Variants in PRH1 observed in about 807,000 individuals in gnomAD.
The protein encoded by PRH1 is proline rich protein HaeIII subfamily 1.
A neutral mutation model predicts 7.9 loss-of-function variants in PRH1; 7 were observed. The ratio of observed to expected loss-of-function variants is 0.89; its 90% confidence interval spans 0.50 to 1.67. The LOEUF is 1.67. Among genes scored for constraint, PRH1 ranks in the 40% most tolerant of loss-of-function variants. PRH1 has a pLI of 0.00. For missense variants in PRH1, 109 were observed against 223.6 expected (o/e 0.49, Z 3.27); for synonymous variants, 45 against 80.8 (o/e 0.56, Z 2.38).
At chr12:11,094,297 G>A (rs1190448133) in intron 1 of PRH1, among the ~76,000 whole-genome samples, 1 of 16,768 alleles carries the variant, frequency 6.0e-5, no homozygotes, top group South Asian at 3.1e-3. Flanking sequence ...CCAAGACTCT[G>A]TCAAAAAAAA....
chr12:10,926,310 C>G (rs1259473275), intron 2 of PRH1, among the ~76,000 whole-genome samples: 2 of 152,224 alleles, frequency 1.3e-5, no homozygotes, highest in African/African-American at 4.8e-5. Flanking sequence ...AGTTTATCCC[C>G]TCTGCCAATG....
chr12:11,064,337 T>C (rs780171397), intron 1 of PRH1, among the ~76,000 whole-genome samples: 2 of 152,180 alleles, frequency 1.3e-5, no homozygotes, highest in Non-Finnish European at 2.9e-5. Context: ...AGTCACATAG[T>C]TGCAAGTACA....
chr12:10,955,196 T>C (rs963996732), intron 2 of PRH1, among the ~76,000 whole-genome samples: 10 of 152,044 alleles, frequency 6.6e-5, no homozygotes, highest in African/African-American at 1.9e-4. Context: ...AAACAATTCC[T>C]AGCAAATATG....
Position 11,151,373 on chromosome 12 carries a change from AT to A in PRH1, n.39+20048del, listed in dbSNP as rs1222655979. 2.0e-5 allele frequency among the ~76,000 whole-genome samples: 3 copies of A among 152,006 alleles called. No homozygotes were observed. In the East Asian group the frequency reaches 5.8e-4, roughly 29 times the overall value. On this transcript the variant is annotated intron_variant and non_coding_transcript_variant, in intron 1 of 1. Coordinates refer to the PRH1 transcript ENST00000541175. ...GGGCTGGTTAGAGAGGCTAGAAAATATAGTTGAGAAATGCACAGAGGGGACT... is the reference window on the plus strand; with the variant it reads ...GGGCTGGTTAGAGAGGCTAGAAAATAAGTTGAGAAATGCACAGAGGGGACT...
intron 1 of PRH1, among the ~76,000 whole-genome samples, chr12:11,136,301 T>C (rs1263844775): frequency 2.6e-5 from 4 of 152,218 alleles, no homozygotes; most frequent in African/African-American, 9.6e-5. Flanking sequence ...AGTCACATAG[T>C]TGCAAGTACA....
At chr12:11,101,010 A>G (rs928758484) in intron 1 of PRH1, among the ~76,000 whole-genome samples, 1 of 152,202 alleles carries the variant, frequency 6.6e-6, no homozygotes, top group African/African-American at 2.4e-5. Flanking sequence ...TCGTACTATA[A>G]TTTATTGTAA....
chr12:10,939,121 C>CTGT, intron 2 of PRH1: 1 of 1,607,420 alleles, frequency 6.2e-7, no homozygotes, highest in Non-Finnish European at 8.5e-7. Context: ...TACAGTTCAC[C>CTGT]AGTGCTATGA....
intron 2 of PRH1, among the ~76,000 whole-genome samples, chr12:10,919,676 T>C (rs1950018977): frequency 6.6e-6 from 1 of 151,352 alleles, no homozygotes; most frequent in Admixed American, 6.6e-5. Flanking sequence ...CAGTCTACGT[T>C]TTTTTTTTGT....
intron 2 of PRH1, among the ~76,000 whole-genome samples, chr12:10,904,856 C>T (rs754247179): frequency 1.3e-5 from 2 of 151,878 alleles, no homozygotes; most frequent in East Asian, 1.9e-4. Context: ...CCTTTAAAAA[C>T]GAGCAAAAGA....
At chr12:11,064,620 A>G (rs796679402) in intron 1 of PRH1, among the ~76,000 whole-genome samples, 1 of 146,130 alleles carries the variant, frequency 6.8e-6, no homozygotes, top group African/African-American at 2.5e-5. Context: ...CCTCCATTCT[A>G]TTTTTTGCCA....
chr12:10,972,975 A>T (rs1938907474), intron 2 of PRH1, among the ~76,000 whole-genome samples: 1 of 132,274 alleles, frequency 7.6e-6, no homozygotes, highest in South Asian at 2.8e-4. Context: ...GATGGGAGAA[A>T]TTATTGTCCT....
intron 1 of PRH1, among the ~76,000 whole-genome samples, chr12:11,057,162 A>T (rs1200836592): frequency 7.0e-6 from 1 of 142,600 alleles, no homozygotes; most frequent in Non-Finnish European, 1.6e-5. Context: ...ATGCAGCACC[A>T]CGCCAGCTAA....
At chr12:10,938,246 TAA>T (rs1565484446) in intron 2 of PRH1, 1 of 1,537,572 alleles carries the variant, frequency 6.5e-7, no homozygotes, top group Non-Finnish European at 8.8e-7. Flanking sequence ...ATTTTTTTTC[TAA>T]TATATTCAAG....
intron 2 of PRH1, chr12:10,938,756 T>C (rs537145141): frequency 1.9e-6 from 3 of 1,613,958 alleles, no homozygotes; most frequent in Admixed American, 3.3e-5. Flanking sequence ...GGCATTTATA[T>C]GGATGTTTAT....
chr12:11,137,912 T>C (rs1012743091), intron 1 of PRH1, among the ~76,000 whole-genome samples: 15 of 152,162 alleles, frequency 9.9e-5, no homozygotes, highest in Non-Finnish European at 7.4e-5. Context: ...AGTCTTGTTT[T>C]TTAAGTACTA....
chr12:11,151,867 A>G (rs942697839), intron 1 of PRH1, among the ~76,000 whole-genome samples: 2 of 152,092 alleles, frequency 1.3e-5, no homozygotes, highest in Middle Eastern at 3.2e-3. Context: ...TAGTGAGTTG[A>G]TTATCATAAT....
intron 1 of PRH1, among the ~76,000 whole-genome samples, chr12:10,980,147 A>T (rs1054626219): frequency 6.6e-6 from 1 of 152,198 alleles, no homozygotes; most frequent in African/African-American, 2.4e-5. Flanking sequence ...AAGAAAAAAC[A>T]TAAATTTAGA....
intron 1 of PRH1, chr12:11,171,346 A>G: frequency 8.1e-7 from 1 of 1,231,216 alleles, no homozygotes; most frequent in Non-Finnish European, 1.0e-6. Flanking sequence ...GCGGGCGGCG[A>G]CACCTGGCTC....
intron 2 of PRH1, chr12:10,932,368 G>T: frequency 7.3e-6 from 2 of 272,720 alleles, no homozygotes; most frequent in South Asian, 6.7e-5. Context: ...TCTGGAATCT[G>T]AGACCCATGT....
Sources: gnomAD v4.1 joint callset for allele counts (sites outside exome capture counted in the v4.1 genomes callset) on GRCh38, gnomAD v4.1.1 for gene constraint, MANE v1.5 for transcripts, NCBI Gene and HGNC (gene_info 2026-07-23, HGNC 2026-07-21) for gene names.